The following DTNA variants were observed in gnomAD, a reference collection of about 807,000 sequenced individuals.
DTNA encodes the protein dystrobrevin alpha, also known as dystrophin-related protein 3.
A neutral mutation model predicts 100.7 loss-of-function variants in DTNA; 43 were observed. The ratio of observed to expected loss-of-function variants is 0.43; its 90% CI spans 0.33 to 0.55. The LOEUF is 0.55. DTNA is among the 20% of genes least tolerant of loss of function. The pLI is 0.04. For synonymous variants in DTNA, 349 were observed against 347.9 expected, an observed-to-expected ratio of 1.00 and a Z score of -0.04; for missense variants, 798 against 953.9, an observed-to-expected ratio of 0.84 and a Z score of 2.15.
Position 34,829,405 on chromosome 18 carries a change from C to G in DTNA, c.1091C>G (p.Pro364Arg). The G allele has an allele frequency of 6.5e-7, 1 of 1,535,188 alleles. No individual in the cohort carries two copies. Among genetic ancestry groups the G allele is most frequent in the Non-Finnish European group, 8.7e-7 (1 of 1,146,610 alleles). ...TCATTGTTTGACTCCCTCAGGTTAC[C>G]TGAGGGAATAAGTGCATCCAGCCCT... ...SGSPFITRRL[P>R]EGISASSPVA... is the part of the protein sequence containing the mutation. Residue 364 changes from proline to arginine, a missense_variant, in exon 11 of 23, where the codon CCT becomes CGT. By Grantham distance (103) the Pro-to-Arg change is moderately radical. Transcript: ENST00000444659.
intron 1 of DTNA, among the ~76,000 whole-genome samples, chr18:34,644,181 T>A (rs1475355511): frequency 1.3e-5 from 2 of 152,104 alleles, no homozygotes; most frequent in African/African-American, 4.8e-5. Context: ...CACCCTCTAG[T>A]GGAATTCTTA....
intron 17 of DTNA, among the ~76,000 whole-genome samples, chr18:34,870,591 C>T (rs2096755620): frequency 6.6e-6 from 1 of 152,160 alleles, no homozygotes; most frequent in Non-Finnish European, 1.5e-5. Context: ...TATTATTTCT[C>T]TGCTTAAAAA....
In DTNA at chr18:34,718,577, G is replaced by GT. The variant is rs568400073; in HGVS notation, c.-2+8136dup. ...TTATTCCAGCATCAAAGCCCCCACT[G>GT]TTTTCTAATAAGACGTTAGGTTTTA... On this transcript the variant is annotated intron_variant, in intron 1 of 22. Coordinates refer to ENST00000444659, the MANE Select transcript of DTNA (RefSeq NM_001386795.1). Among the ~76,000 whole-genome samples the GT allele has an allele frequency of 5.2e-4, 79 of 152,186 alleles. 1 individual carries two copies. In the East Asian group the frequency reaches 0.01, roughly 20 times the overall value.
chr18:34,867,125 A>C, intron 17 of DTNA: 1 of 1,231,372 alleles, frequency 8.1e-7, no homozygotes, highest in Admixed American at 4.2e-5. Context: ...CATTATTTCC[A>C]TGGATCAATT....
chr18:34,778,980 G>C (rs901069719), intron 3 of DTNA, among the ~76,000 whole-genome samples: 9 of 142,408 alleles, frequency 6.3e-5, no homozygotes, highest in African/African-American at 2.4e-4. Context: ...ACCATGCCCA[G>C]CTAATTTTTT....
chr18:34,506,140 C>T (rs2040467283), intron 1 of DTNA, among the ~76,000 whole-genome samples: 1 of 152,162 alleles, frequency 6.6e-6, no homozygotes, highest in African/African-American at 2.4e-5. Context: ...CTTTATGTTC[C>T]CCATGTGGTC....
chr18:34,595,419 T>A (rs139899083), intron 1 of DTNA, among the ~76,000 whole-genome samples: 22 of 152,304 alleles, frequency 1.4e-4, no homozygotes, highest in African/African-American at 5.1e-4. Flanking sequence ...AATGTAAAAT[T>A]CTAAAATGAA....
chr18:34,829,586 G>C (rs888305711), intron 11 of DTNA, 97 bp downstream of exon 11: 4 of 1,262,140 alleles, frequency 3.2e-6, no homozygotes, highest in African/African-American at 3.0e-5. Context: ...CTCATAGTAC[G>C]TCTTATTGGA....
In DTNA at chr18:34,557,463, G is replaced by C. The variant is rs186206991; in HGVS notation, c.-2+63949G>C. Among the ~76,000 whole-genome samples, 4 of 152,138 alleles carry C rather than the reference G, an allele frequency of 2.6e-5. No homozygotes were observed. The East Asian group carries it at 7.7e-4, about 29-fold the overall frequency. ...GGCGCTCTGCGTTTCAGAGTTTCCCGTTTTTCTGTTCTGTTTTTTCCCCAT... is the reference window on the plus strand; with the variant it reads ...GGCGCTCTGCGTTTCAGAGTTTCCCCTTTTTCTGTTCTGTTTTTTCCCCAT... On this transcript the variant is annotated intron_variant, in intron 1 of 19. Transcript: ENST00000283365.
intron 1 of DTNA, among the ~76,000 whole-genome samples, chr18:34,690,068 T>G (rs1458521707): frequency 6.6e-6 from 1 of 152,148 alleles, no homozygotes; most frequent in Non-Finnish European, 1.5e-5. Flanking sequence ...CAGTGGATCT[T>G]AGTTTGCTGG....
chr18:34,860,153 T>G (rs181869061), intron 16 of DTNA, among the ~76,000 whole-genome samples: 1 of 151,652 alleles, frequency 6.6e-6, no homozygotes, highest in African/African-American at 2.4e-5. Flanking sequence ...GTTAAAGCAA[T>G]TCTCTGCCTC....
chr18:34,724,957 C>T (rs577678876), intron 1 of DTNA, among the ~76,000 whole-genome samples: 74 of 152,254 alleles, frequency 4.9e-4, no homozygotes, highest in Non-Finnish European at 6.6e-4. Flanking sequence ...CTACAACCAT[C>T]GGATATTTGA....
At chr18:34,593,819 A>T (rs1750950904) in intron 1 of DTNA, among the ~76,000 whole-genome samples, 1 of 152,190 alleles carries the variant, frequency 6.6e-6, no homozygotes, top group Admixed American at 6.5e-5. Flanking sequence ...ACTGAGTTAC[A>T]ATCTCAATAG....
At chr18:34,501,021 C>T (rs2039864770) in intron 1 of DTNA, among the ~76,000 whole-genome samples, 1 of 152,188 alleles carries the variant, frequency 6.6e-6, no homozygotes, top group African/African-American at 2.4e-5. Context: ...GTGCAAGCAT[C>T]TTTGCCTTTT....
intron 1 of DTNA, among the ~76,000 whole-genome samples, chr18:34,543,545 A>C (rs2044463467): frequency 6.6e-6 from 1 of 152,106 alleles, no homozygotes; most frequent in Non-Finnish European, 1.5e-5. Flanking sequence ...CATGGATGTT[A>C]AACAGCATGT....
intron 14 of DTNA, 82 bp downstream of exon 14, chr18:34,848,465 C>A: frequency 7.1e-7 from 1 of 1,398,954 alleles, no homozygotes; most frequent in Admixed American, 1.8e-5. Context: ...GTTATTATAG[C>A]TGGTGCTGAT....
intron 1 of DTNA, among the ~76,000 whole-genome samples, chr18:34,517,460 C>CATGTGTGTGTGTGTGTGTGT (rs57616989): frequency 5.4e-5 from 8 of 149,000 alleles, no homozygotes; most frequent in South Asian, 4.3e-4. Context: ...TTTATATACA[C>CATGTGTGTGTGTGTGTGTGT]GTGTGTGTGT....
chr18:34,741,790 A>G (rs902007603), intron 1 of DTNA, among the ~76,000 whole-genome samples: 9 of 152,338 alleles, frequency 5.9e-5, no homozygotes, highest in African/African-American at 2.2e-4. Context: ...ATATTGGTCA[A>G]TTTATTAAAT....
At chr18:34,870,978 A>T (rs11659517) in intron 17 of DTNA, among the ~76,000 whole-genome samples, 16,120 of 152,300 alleles carry the variant, frequency 0.11, 1,086 homozygotes, top group Non-Finnish European at 0.15. Flanking sequence ...CATCAGTGTG[A>T]TGATAGCCAG....
Sources: allele counts gnomAD v4.1 joint callset (sites outside exome capture counted in the v4.1 genomes callset), GRCh38; gene constraint gnomAD v4.1.1; transcripts MANE v1.5; gene names NCBI Gene and HGNC (gene_info 2026-07-23, HGNC 2026-07-21).